KHDRBS2: variants seen among roughly 807,000 people sequenced by gnomAD.
KHDRBS2 encodes the protein KH RNA binding domain containing, signal transduction associated 2, also known as KH domain-containing, RNA-binding, signal transduction-associated protein 2.
KHDRBS2 carries 26 observed loss-of-function variants against 44.3 expected under a neutral mutation model. The observed-to-expected ratio is 0.59, with a 90% CI of 0.43 to 0.81. The LOEUF (loss-of-function observed/expected upper bound fraction) is 0.81, where lower values mean the gene tolerates loss of function less well. KHDRBS2 is among the 40% of genes least tolerant of loss of function. The probability of loss-of-function intolerance (pLI) is 0.00; values close to 1 mark genes in which losing one functional copy is unlikely to be tolerated. For missense variants in KHDRBS2, 476 were observed against 433.1 expected (o/e 1.10, Z -0.88); for synonymous variants, 194 against 151.1 (o/e 1.28, Z -2.08).
At chr6:62,056,123 T>A (rs1235748926) in intron 2 of KHDRBS2, among the ~76,000 whole-genome samples, 1 of 151,942 alleles carries the variant, frequency 6.6e-6, no homozygotes, top group Admixed American at 6.6e-5. Context: ...TAGCCTTGAA[T>A]TGTGGGTTAT....
intron 7 of KHDRBS2, among the ~76,000 whole-genome samples, chr6:61,726,250 C>T (rs191500458): frequency 1.6e-4 from 25 of 152,156 alleles, no homozygotes; most frequent in Non-Finnish European, 2.9e-4. Context: ...TCTCAATAAA[C>T]GAGATACTAA....
chr6:61,671,084 T>G, the KHDRBS2 span, among the ~76,000 whole-genome samples: 1 of 151,560 alleles, frequency 6.6e-6, no homozygotes, highest in African/African-American at 2.4e-5. Flanking sequence ...TCTAAAAAAG[T>G]AGACTGTGAA....
intron 6 of KHDRBS2, among the ~76,000 whole-genome samples, chr6:61,844,854 T>G (rs1264653009): frequency 2.0e-5 from 3 of 152,236 alleles, no homozygotes; most frequent in Non-Finnish European, 4.4e-5. Flanking sequence ...GTTCATTTCT[T>G]ATTTCCTGAA....
At chr6:61,551,611 G>C in the KHDRBS2 span, among the ~76,000 whole-genome samples, 1 of 152,100 alleles carries the variant, frequency 6.6e-6, no homozygotes, top group Non-Finnish European at 1.5e-5. Context: ...ACCATTTATA[G>C]AATAGGGAAT....
chr6:61,775,199 A>G (rs1393422556), intron 6 of KHDRBS2, among the ~76,000 whole-genome samples: 1 of 152,116 alleles, frequency 6.6e-6, no homozygotes, highest in African/African-American at 2.4e-5. Context: ...TGAATGGGCA[A>G]AAACTGGAAG....
chr6:61,897,401 AG>A (rs1562394312), intron 5 of KHDRBS2, among the ~76,000 whole-genome samples: 1 of 152,158 alleles, frequency 6.6e-6, no homozygotes, highest in African/African-American at 2.4e-5. Context: ...CACCTGCCCA[AG>A]GTCACACCAG....
chr6:61,982,854 C>G (rs1443418639), intron 3 of KHDRBS2, among the ~76,000 whole-genome samples: 2 of 152,090 alleles, frequency 1.3e-5, no homozygotes, highest in Non-Finnish European at 2.9e-5. Context: ...TGAAACAGTA[C>G]TGGTTCTTTA....
chr6:61,576,963 A>G, the KHDRBS2 span, among the ~76,000 whole-genome samples: 9 of 152,250 alleles, frequency 5.9e-5, no homozygotes, highest in East Asian at 1.7e-3. Flanking sequence ...TCTAGTGTTC[A>G]GAAAAGTGTT....
At chr6:61,971,165 T>C (rs1201015122) in intron 4 of KHDRBS2, among the ~76,000 whole-genome samples, 2 of 152,100 alleles carry the variant, frequency 1.3e-5, no homozygotes, top group Admixed American at 6.6e-5. Flanking sequence ...TAAGGCATTG[T>C]TATATATGCA....
chr6:61,948,441 A>AT (rs1455059728), intron 4 of KHDRBS2, among the ~76,000 whole-genome samples: 2 of 151,968 alleles, frequency 1.3e-5, no homozygotes, highest in East Asian at 1.9e-4. Flanking sequence ...TTGGGTAGTC[A>AT]TTTCTTTAAA....
chr6:62,199,025 C>A (rs569552907), intron 1 of KHDRBS2, among the ~76,000 whole-genome samples: 105 of 152,180 alleles, frequency 6.9e-4, no homozygotes, highest in Admixed American at 2.2e-3. Flanking sequence ...AGGCGTTAGA[C>A]AAAATTCAAC....
intron 2 of KHDRBS2, among the ~76,000 whole-genome samples, chr6:62,055,215 T>C (rs906089842): frequency 5.9e-5 from 9 of 151,982 alleles, no homozygotes; most frequent in African/African-American, 2.2e-4. Context: ...ATTAAAGCAG[T>C]AGTTTACAAA....
intron 3 of KHDRBS2, among the ~76,000 whole-genome samples, chr6:61,981,787 A>C (rs986662013): frequency 6.6e-6 from 1 of 152,176 alleles, no homozygotes; most frequent in African/African-American, 2.4e-5. Context: ...GGTTCATTTG[A>C]TATGTTAAAA....
chr6:62,025,511 T>C (rs981448792), intron 3 of KHDRBS2, among the ~76,000 whole-genome samples: 50 of 151,978 alleles, frequency 3.3e-4, no homozygotes, highest in African/African-American at 1.2e-3. Flanking sequence ...TATTTCAGTA[T>C]GTATTTATAA....
intron 6 of KHDRBS2, among the ~76,000 whole-genome samples, chr6:61,772,717 G>T (rs938138139): frequency 6.6e-6 from 1 of 151,768 alleles, no homozygotes; most frequent in African/African-American, 2.4e-5. Flanking sequence ...GTATACATGT[G>T]CCACGCTGGT....
intron 4 of KHDRBS2, among the ~76,000 whole-genome samples, chr6:61,955,103 T>C (rs1363260014): frequency 4.1e-5 from 5 of 122,372 alleles, no homozygotes; most frequent in Admixed American, 2.4e-4. Context: ...TATATGTATA[T>C]ATACACATAT....
chr6:61,829,061 C>A (rs1791372399), intron 6 of KHDRBS2, among the ~76,000 whole-genome samples: 1 of 152,202 alleles, frequency 6.6e-6, no homozygotes, highest in Admixed American at 6.5e-5. Context: ...TCTATTCAAA[C>A]TAATTTTCTA....
chr6:61,719,335 AT>A (rs1422399322), intron 7 of KHDRBS2, among the ~76,000 whole-genome samples: 1 of 151,990 alleles, frequency 6.6e-6, no homozygotes, highest in African/African-American at 2.4e-5. Context: ...TACTTGTATA[AT>A]TTGGTTTGGT....
At chr6:61,721,275 T>G (rs1772476513) in intron 7 of KHDRBS2, among the ~76,000 whole-genome samples, 2 of 152,244 alleles carry the variant, frequency 1.3e-5, no homozygotes, top group African/African-American at 2.4e-5. Context: ...CTTTTTTGGT[T>G]CCATATGAAC....
Sources: gnomAD v4.1 joint callset for allele counts (sites outside exome capture counted in the v4.1 genomes callset) on GRCh38, gnomAD v4.1.1 for gene constraint, MANE v1.5 for transcripts, NCBI Gene and HGNC (gene_info 2026-07-23, HGNC 2026-07-21) for gene names.